Variants in WDR59 observed in about 807,000 individuals in gnomAD.
WDR59 encodes GATOR2 complex protein WDR59.
A neutral mutation model predicts 131.2 loss-of-function variants in WDR59; 100 were observed. The ratio of observed to expected loss-of-function variants is 0.76; its 90% CI spans 0.65 to 0.90. The LOEUF is 0.90. Ranked by LOEUF, WDR59 falls within the 40% of genes least tolerant of loss-of-function variation. WDR59 has a pLI of 0.00. For synonymous variants in WDR59, 601 were observed against 466.2 expected, an observed-to-expected ratio of 1.29 and a Z score of -3.72; for missense variants, 1,203 against 1,262.2, an observed-to-expected ratio of 0.95 and a Z score of 0.71.
At chr16:74,977,090 G>C (rs565852850) in intron 1 of WDR59, among the ~76,000 whole-genome samples, 1 of 152,156 alleles carries the variant, frequency 6.6e-6, no homozygotes, top group Admixed American at 6.6e-5. Context: ...ACAGCACATA[G>C]CTGGGAGTGG....
intron 1 of WDR59, among the ~76,000 whole-genome samples, chr16:74,980,952 G>A (rs150465849): frequency 0.048 from 7,307 of 151,216 alleles, 267 homozygotes; most frequent in Non-Finnish European, 0.076. Flanking sequence ...GCAACAGAGC[G>A]AGACTCCATC....
chr16:74,897,552 G>C lies in WDR59; in HGVS notation c.1867-3740C>G, dbSNP rs1307582780. ...CAGTCTGTGTTTCCTGGGACTTCTTGAGACACCAGGCTTCTAGGTCCTTCT... is the reference window on the plus strand; with the variant it reads ...CAGTCTGTGTTTCCTGGGACTTCTTCAGACACCAGGCTTCTAGGTCCTTCT... On this transcript the variant is annotated intron_variant, in intron 18 of 25. Coordinates refer to ENST00000262144, the MANE Select transcript of WDR59 (RefSeq NM_030581.4). 2.6e-5 allele frequency among the ~76,000 whole-genome samples: 4 copies of C among 152,148 alleles called. No individual in the cohort carries two copies. In the East Asian group the frequency reaches 7.7e-4, roughly 29 times the overall value.
intron 8 of WDR59, among the ~76,000 whole-genome samples, chr16:74,933,242 A>T (rs747936672): frequency 1.3e-5 from 2 of 152,186 alleles, no homozygotes; most frequent in Non-Finnish European, 2.9e-5. Context: ...TCAAGGCTGC[A>T]GTGAGCTGTG....
chr16:74,876,085 T>G (rs1325488409), intron 25 of WDR59, among the ~76,000 whole-genome samples: 1 of 152,136 alleles, frequency 6.6e-6, no homozygotes, highest in Non-Finnish European at 1.5e-5. Context: ...CCTTCCCTCT[T>G]ACAACAGAGG....
chr16:74,932,334 C>T (rs1012606351), intron 8 of WDR59, among the ~76,000 whole-genome samples: 5 of 151,942 alleles, frequency 3.3e-5, no homozygotes, highest in African/African-American at 9.7e-5. Context: ...AAGGGATCCT[C>T]CCACCTCGGC....
rs1304662797 is a variant in WDR59 at position 74,886,214 on chromosome 16, ACTGGAGTCCTGC to A, written c.2546+44_2546+55del. 2.3e-5 allele frequency: 31 copies of A among 1,367,924 alleles called. No individual in the cohort carries two copies. In the Admixed American group the frequency reaches 3.9e-4, roughly 17 times the overall value. The allele number at this position is 1,367,924 out of a possible 1,614,324, so 84.7% of individuals were successfully genotyped here. ...AAGTAAGAGTTGTGATTGTGGAGAAACTGGAGTCCTGCCTGGAGTCCTGGCATTGCAGCTCTC... is the reference window on the plus strand; with the variant it reads ...AAGTAAGAGTTGTGATTGTGGAGAAACTGGAGTCCTGGCATTGCAGCTCTC... On this transcript the variant is annotated intron_variant, in intron 24 of 25. Coordinates refer to ENST00000262144, the MANE Select transcript of WDR59 (RefSeq NM_030581.4).
chr16:74,971,372 C>T (rs1012870041), intron 1 of WDR59, among the ~76,000 whole-genome samples: 4 of 151,338 alleles, frequency 2.6e-5, no homozygotes, highest in African/African-American at 9.7e-5. Context: ...GTGTACCTTA[C>T]CCATACACTT....
rs370378749 is a variant in WDR59, at chr16:74,909,583, C to A, written c.1560G>T (p.Ala520=). The part of the protein sequence containing the change: ...NSVTPPLPTF[A]RVTTAYGSYQ... ...ACGACCCGTAAGCCGTGGTCACCCG[C>A]GCAAACGTCGGTAAGGGGGGAGTGA... Residue 520 remains alanine (A), a synonymous_variant, in exon 16 of 26, where the codon GCG becomes GCT. Coordinates refer to ENST00000262144, the MANE Select transcript of WDR59 (RefSeq NM_030581.4). The A allele has an allele frequency of 1.9e-6, 3 of 1,610,648 alleles. No homozygotes were observed. The highest frequency in any genetic ancestry group is 2.5e-6 in the Non-Finnish European group (3 of 1,178,772).
intron 3 of WDR59, among the ~76,000 whole-genome samples, chr16:74,954,073 T>G (rs2033158015): frequency 6.6e-6 from 1 of 151,266 alleles, no homozygotes; most frequent in African/African-American, 2.4e-5. Flanking sequence ...ACGTGGCCAA[T>G]AAGATACTCA....
intron 14 of WDR59, among the ~76,000 whole-genome samples, chr16:74,910,188 G>A (rs549185669): frequency 2.6e-5 from 4 of 152,028 alleles, no homozygotes; most frequent in South Asian, 2.1e-4. Context: ...GGCTGGTCTC[G>A]AACTCCTGAC....
chr16:74,963,828 T>G (rs1054231371), intron 2 of WDR59, among the ~76,000 whole-genome samples: 4 of 151,820 alleles, frequency 2.6e-5, no homozygotes, highest in Admixed American at 6.6e-5. Context: ...GTCTGGGATG[T>G]CAAGGCTGCA....
chr16:74,888,770 C>T (rs1964897413), intron 21 of WDR59, among the ~76,000 whole-genome samples: 1 of 152,172 alleles, frequency 6.6e-6, no homozygotes, highest in South Asian at 2.1e-4. Context: ...CACTGGACCG[C>T]CACAGCATGC....
intron 13 of WDR59, among the ~76,000 whole-genome samples, chr16:74,912,986 C>G (rs1232294028): frequency 6.6e-6 from 1 of 151,464 alleles, no homozygotes; most frequent in East Asian, 1.9e-4. Context: ...AGCCTTCCAG[C>G]GTGGGCATCA....
At chr16:74,958,828 C>A (rs552546648) in intron 2 of WDR59, among the ~76,000 whole-genome samples, 1 of 133,854 alleles carries the variant, frequency 7.5e-6, no homozygotes, top group African/African-American at 2.6e-5. Context: ...TGTGGGAGGC[C>A]GAGGCGGATG....
intron 2 of WDR59, among the ~76,000 whole-genome samples, chr16:74,961,999 T>A (rs557346843): frequency 5.9e-5 from 9 of 152,340 alleles, no homozygotes; most frequent in African/African-American, 2.2e-4. Flanking sequence ...GTTTCCATTT[T>A]CTGCATATGG....
In WDR59 at chr16:74,951,547, A is replaced by C. The variant is rs1467218067; in HGVS notation, c.241-4T>G. ...AAAGGTCTACTCGTTGGTTACTCTG[A>C]AAAGAAAGGAAAGAAGGCCACAGGC... On this transcript the variant is annotated splice_polypyrimidine_tract_variant and splice_region_variant and intron_variant, in intron 3 of 25. Coordinates refer to ENST00000262144, the MANE Select transcript of WDR59 (RefSeq NM_030581.4). 6.3e-7 allele frequency: 1 copy of C among 1,582,910 alleles called. No homozygotes were observed. The highest frequency in any genetic ancestry group is 1.3e-5 in the African/African-American group (1 of 74,884).
intron 3 of WDR59, among the ~76,000 whole-genome samples, chr16:74,954,015 A>G (rs2033153632): frequency 6.6e-6 from 1 of 151,662 alleles, no homozygotes; most frequent in Non-Finnish European, 1.5e-5. Flanking sequence ...AAAAAAAAGA[A>G]AAAGGGCAGA....
intron 25 of WDR59, among the ~76,000 whole-genome samples, chr16:74,881,953 C>T (rs915892344): frequency 6.6e-5 from 10 of 151,536 alleles, no homozygotes; most frequent in Admixed American, 3.3e-4. Flanking sequence ...CCATCTTTCA[C>T]AATCCTGCCC....
chr16:74,876,245 G>C (rs1344655431), intron 25 of WDR59, among the ~76,000 whole-genome samples: 1 of 152,168 alleles, frequency 6.6e-6, no homozygotes, highest in East Asian at 1.9e-4. Flanking sequence ...AGACAAATCA[G>C]ACTGGTTTGA....
Sources: allele counts gnomAD v4.1 joint callset (sites outside exome capture counted in the v4.1 genomes callset), GRCh38; gene constraint gnomAD v4.1.1; transcripts MANE v1.5; gene names NCBI Gene and HGNC (gene_info 2026-07-23, HGNC 2026-07-21).